Variants in ATXN7L1 observed in about 807,000 individuals in gnomAD.
ATXN7L1 encodes ataxin-7-like protein 1.
ATXN7L1 carries 15 observed loss-of-function variants against 70.8 expected under a neutral mutation model. The ratio of observed to expected loss-of-function variants is 0.21; its 90% confidence interval spans 0.14 to 0.33. The LOEUF (loss-of-function observed/expected upper bound fraction) is 0.33. ATXN7L1 is among the 10% of genes least tolerant of loss of function. ATXN7L1 has a pLI of 1.00. For missense variants in ATXN7L1, 975 were observed against 1,097.1 expected, an observed-to-expected ratio of 0.89 and a Z score of 1.57; for synonymous variants, 440 against 445.1, an observed-to-expected ratio of 0.99 and a Z score of 0.14.
chr7:105,837,108 A>G (rs923385838), intron 2 of ATXN7L1, among the ~76,000 whole-genome samples: 6 of 152,094 alleles, frequency 3.9e-5, no homozygotes, highest in Non-Finnish European at 5.9e-5. Flanking sequence ...CACTTTTCAA[A>G]GATCAGATCT....
chr7:105,642,842 A>T lies in ATXN7L1; in HGVS notation c.858T>A (p.Leu286=), dbSNP rs1490740719. ...TKNSNKPYRR[L]SEREFDPNKH... ...CCTGACGACACTGACACATACCTGA[A>T]AGTCTCCTGTAAGGCTTGTTGCTGT... The change falls in exon 5 of 12, where the codon CTT becomes CTA. Residue 286 remains leucine (L), a synonymous_variant. Coordinates refer to ENST00000419735, the MANE Select transcript of ATXN7L1 (RefSeq NM_020725.2). 9.7e-6 allele frequency: 15 copies of T among 1,550,904 alleles called. No homozygotes were observed. In the East Asian group the frequency reaches 3.4e-4, roughly 35 times the overall value.
intron 3 of ATXN7L1, among the ~76,000 whole-genome samples, chr7:105,734,911 T>C (rs1370130612): frequency 6.6e-6 from 1 of 152,150 alleles, no homozygotes; most frequent in Non-Finnish European, 1.5e-5. Flanking sequence ...CCTGGAGCCA[T>C]GAACAGATCT....
intron 2 of ATXN7L1, among the ~76,000 whole-genome samples, chr7:105,835,100 A>G (rs1188891873): frequency 7.0e-6 from 1 of 142,746 alleles, no homozygotes; most frequent in African/African-American, 2.6e-5. Context: ...TCTGTGCTCC[A>G]TGCCCCTGTG....
intron 3 of ATXN7L1, among the ~76,000 whole-genome samples, chr7:105,705,355 A>G (rs551124619): frequency 1.3e-5 from 2 of 151,916 alleles, no homozygotes; most frequent in African/African-American, 4.8e-5. Context: ...TACTCTATTC[A>G]CTTTCTGCTG....
At chr7:105,822,478 A>G (rs1810306267) in intron 2 of ATXN7L1, among the ~76,000 whole-genome samples, 1 of 152,126 alleles carries the variant, frequency 6.6e-6, no homozygotes, top group South Asian at 2.1e-4. Context: ...ATTACTTCTT[A>G]TGACCTGCAG....
Position 105,639,498 on chromosome 7 carries a change from G to T in ATXN7L1, c.934C>A (p.Leu312Ile). The T allele has an allele frequency of 6.5e-7, 1 of 1,550,228 alleles. No individual in the cohort carries two copies. The highest frequency in any genetic ancestry group is 8.7e-7 in the Non-Finnish European group (1 of 1,145,760). Residue 312 changes from leucine to isoleucine, a missense_variant, in exon 6 of 12, where the codon CTC becomes ATC. Leu to Ile is a conservative substitution (Grantham distance 5, BLOSUM62 2). Transcript: ENST00000419735. ...PETKKPCTRS[L>I]TCKTHSLSHR... ...GGAAAGAGAAATACCTTGCAGGTGAGGGATCTTGTGCAAGGTTTCTTTGTC... is the reference window on the plus strand; with the variant it reads ...GGAAAGAGAAATACCTTGCAGGTGATGGATCTTGTGCAAGGTTTCTTTGTC...
intron 2 of ATXN7L1, among the ~76,000 whole-genome samples, chr7:105,829,733 G>A (rs537444293): frequency 6.6e-6 from 1 of 152,294 alleles, no homozygotes; most frequent in South Asian, 2.1e-4. Flanking sequence ...AAAGACAGAG[G>A]AGAAAATATA....
rs761663012 is a variant in ATXN7L1, at chr7:105,875,856, T to G, written c.206A>C (p.Lys69Thr). Residue 69 changes from lysine to threonine, a missense_variant, in exon 2 of 12, where the codon AAA (lysine) becomes ACA (threonine). Coordinates refer to ENST00000419735, the MANE Select transcript of ATXN7L1 (RefSeq NM_020725.2). Reference sequence around the variant, plus strand: ...AACCTCCCTGCTTTTTCCACCCTCTTTTCCAGCCTCTTCTAAATCTACATC... The same window carrying G: ...AACCTCCCTGCTTTTTCCACCCTCTGTTCCAGCCTCTTCTAAATCTACATC... Reference protein sequence around the residue: ...SDNVDLEEAGKEGGKSREVMR... With the variant: ...SDNVDLEEAGTEGGKSREVMR... The G allele has an allele frequency of 6.2e-7, 1 of 1,613,480 alleles. No individual in the cohort carries two copies. The highest frequency in any genetic ancestry group is 8.5e-7 in the Non-Finnish European group (1 of 1,179,762).
intron 3 of ATXN7L1, among the ~76,000 whole-genome samples, chr7:105,713,362 G>C (rs1051420162): frequency 6.6e-6 from 1 of 152,220 alleles, no homozygotes. Flanking sequence ...TTACAGAATA[G>C]GGTGCCACCA....
chr7:105,741,644 GGTTCTCTCCCTAAAAGAT>G (rs1280007373), intron 3 of ATXN7L1, among the ~76,000 whole-genome samples: 2 of 152,098 alleles, frequency 1.3e-5, no homozygotes, highest in Non-Finnish European at 2.9e-5. Flanking sequence ...GAGTTTTATG[GGTTCTCTCCCTAAAAGAT>G]GTTGAAGTCC....
chr7:105,687,785 G>C (rs1391703102), intron 3 of ATXN7L1, among the ~76,000 whole-genome samples: 1 of 152,134 alleles, frequency 6.6e-6, no homozygotes, highest in Non-Finnish European at 1.5e-5. Context: ...CTGTGTTTCA[G>C]AGCAGTGTGA....
At chr7:105,849,274 A>C (rs963973117) in intron 2 of ATXN7L1, among the ~76,000 whole-genome samples, 1 of 152,190 alleles carries the variant, frequency 6.6e-6, no homozygotes, top group African/African-American at 2.4e-5. Context: ...ACTCCTTGAC[A>C]ACACCACAAC....
At chr7:105,796,882 T>C (rs1806068958) in intron 2 of ATXN7L1, among the ~76,000 whole-genome samples, 1 of 152,132 alleles carries the variant, frequency 6.6e-6, no homozygotes, top group Non-Finnish European at 1.5e-5. Flanking sequence ...ACAAAACAAG[T>C]TGGTGTCTGA....
At chr7:105,662,019 TTTC>T (rs1562967023) in intron 4 of ATXN7L1, among the ~76,000 whole-genome samples, 2 of 77,940 alleles carry the variant, frequency 2.6e-5, no homozygotes. Context: ...CTTTTCTTTC[TTTC>T]TTTCTTTCCT....
chr7:105,779,922 A>G (rs1803285677), intron 3 of ATXN7L1, among the ~76,000 whole-genome samples: 1 of 152,222 alleles, frequency 6.6e-6, no homozygotes, highest in Non-Finnish European at 1.5e-5. Flanking sequence ...ACTAACAATA[A>G]CAGTAACAAC....
At chr7:105,848,826 G>A (rs755209820) in intron 2 of ATXN7L1, among the ~76,000 whole-genome samples, 11 of 152,046 alleles carry the variant, frequency 7.2e-5, no homozygotes, top group Non-Finnish European at 1.5e-4. Context: ...GCTGCTCCTC[G>A]GCCCAGTGAC....
At chr7:105,793,915 A>AACCC (rs1246021363) in intron 2 of ATXN7L1, among the ~76,000 whole-genome samples, 1 of 152,094 alleles carries the variant, frequency 6.6e-6, no homozygotes. Context: ...TTTTGACCCC[A>AACCC]ACCCGCTATA....
rs149985244 is a variant in ATXN7L1, at chr7:105,697,564, C to T, written c.356-32276G>A. 1.6e-4 allele frequency among the ~76,000 whole-genome samples: 24 copies of T among 152,308 alleles called. No individual in the cohort carries two copies. The East Asian group carries it at 4.6e-3, about 29-fold the overall frequency. On this transcript the variant is annotated intron_variant, in intron 3 of 11. Coordinates refer to ENST00000419735, the MANE Select transcript of ATXN7L1 (RefSeq NM_020725.2). ...ATATTGCTCAAACACACATGCTATA[C>T]AATTTGTGCAGTTAATGCAATTATT...
intron 3 of ATXN7L1, among the ~76,000 whole-genome samples, chr7:105,715,280 C>A (rs1794404046): frequency 2.0e-5 from 3 of 152,342 alleles, no homozygotes; most frequent in East Asian, 3.9e-4. Context: ...TCACCTTCCT[C>A]ATGTGGAGAA....
Sources: gnomAD v4.1 joint callset for allele counts (sites outside exome capture counted in the v4.1 genomes callset) on GRCh38, gnomAD v4.1.1 for gene constraint, MANE v1.5 for transcripts, NCBI Gene and HGNC (gene_info 2026-07-23, HGNC 2026-07-21) for gene names.